ANKAR: variants seen among roughly 807,000 people sequenced by gnomAD.
ANKAR encodes ankyrin and armadillo repeat containing, also known as ankyrin and armadillo repeat-containing protein.
Under a neutral mutation model 146.2 loss-of-function variants are expected in ANKAR, and 136 were observed. That is an observed-to-expected ratio of 0.93 (90% confidence interval 0.81 to 1.07). ANKAR has a LOEUF of 1.07. Among genes scored for constraint, ANKAR ranks in the 50% least tolerant of loss-of-function variants. ANKAR has a pLI of 0.00. For missense variants in ANKAR, 1,567 were observed against 1,679.9 expected, an observed-to-expected ratio of 0.93 and a Z score of 1.18; for synonymous variants, 500 against 575.8, an observed-to-expected ratio of 0.87 and a Z score of 1.88.
chr2:189,729,481 A>G lies in ANKAR; in HGVS notation c.3193+660A>G, dbSNP rs967812164. ...CACATTTTTTTCTCTTTGCTTGCCA[A>G]AAGTTTCTTGCAGAAACTCATTCAC... is the stretch of plus-strand genomic sequence containing the variant. On this transcript the variant is annotated intron_variant, in intron 15 of 22. Transcript: ENST00000684021. 2.6e-5 allele frequency among the ~76,000 whole-genome samples: 4 copies of G among 152,174 alleles called. No individual in the cohort carries two copies. The East Asian group carries it at 5.8e-4, about 22-fold the overall frequency.
intron 2 of ANKAR, among the ~76,000 whole-genome samples, chr2:189,678,150 G>A (rs1299939034): frequency 6.6e-6 from 1 of 152,044 alleles, no homozygotes; most frequent in Non-Finnish European, 1.5e-5. Flanking sequence ...GGAGTAAGAT[G>A]GTATCTCAGT....
intron 8 of ANKAR, among the ~76,000 whole-genome samples, chr2:189,706,485 A>G (rs79673288): frequency 0.016 from 2,464 of 152,272 alleles, 66 homozygotes; most frequent in African/African-American, 0.056. Context: ...AAATCAGATA[A>G]TGGGTTTTCG....
chr2:189,693,325 A>C, intron 5 of ANKAR, 148 bp downstream of exon 5: 1 of 580,698 alleles, frequency 1.7e-6, no homozygotes, highest in Non-Finnish European at 3.1e-6. Context: ...TTATGGACTC[A>C]ACAAAATATT....
intron 18 of ANKAR, 125 bp downstream of exon 18, chr2:189,737,966 T>G: frequency 1.2e-6 from 1 of 862,530 alleles, no homozygotes; most frequent in Non-Finnish European, 1.7e-6. Context: ...ACTTTGCACA[T>G]AAGCCCCTTC....
At chr2:189,711,253 AT>A in intron 10 of ANKAR, 100 bp downstream of exon 10, 2 of 836,670 alleles carry the variant, frequency 2.4e-6, no homozygotes, top group Non-Finnish European at 3.5e-6. Context: ...TAAAGGAAAA[AT>A]TTTAGTTGAT....
In ANKAR at chr2:189,720,744, T is replaced by C; in HGVS notation, c.2592T>C (p.His864=). The C allele has an allele frequency of 6.6e-7, 1 of 1,517,670 alleles. No individual in the cohort carries two copies. Among genetic ancestry groups the C allele is most frequent in the Non-Finnish European group, 8.8e-7 (1 of 1,137,948 alleles). 94.0% of individuals were successfully genotyped at this position (1,517,670 alleles called of 1,614,324 possible). A position where few individuals can be genotyped will look rare whatever the true frequency, so the allele number is the denominator to read the frequency against. ...NENNQRAVRE[H]KGLPYLIRFL... ...ACAATCAAAGAGCTGTGAGAGAACA[T>C]AAAGGCCTCCCATATCTTATCAGAT... is the stretch of plus-strand genomic sequence containing the variant. Residue 864 remains histidine (H), a synonymous_variant, in exon 12 of 23, where the codon CAT becomes CAC. Coordinates refer to ENST00000684021, the MANE Select transcript of ANKAR (RefSeq NM_001378068.1).
chr2:189,683,634 G>A (rs1040316846), intron 2 of ANKAR, among the ~76,000 whole-genome samples: 1 of 152,228 alleles, frequency 6.6e-6, no homozygotes, highest in Admixed American at 6.5e-5. Flanking sequence ...CCCCTGGCAT[G>A]ATCAGAGAGC....
intron 7 of ANKAR, among the ~76,000 whole-genome samples, chr2:189,697,303 G>A (rs1326695926): frequency 2.0e-5 from 3 of 151,832 alleles, no homozygotes; most frequent in African/African-American, 7.3e-5. Context: ...AGAGGCTGAA[G>A]CAGGAAGATT....
chr2:189,753,011 CAT>C (rs1178644390), intron 18 of ANKAR: 1 of 1,573,246 alleles, frequency 6.4e-7, no homozygotes. Flanking sequence ...AAATAACTAT[CAT>C]ATATGGATAT....
chr2:189,697,033 C>T (rs1019560305), intron 7 of ANKAR, among the ~76,000 whole-genome samples: 1 of 151,676 alleles, frequency 6.6e-6, no homozygotes, highest in Non-Finnish European at 1.5e-5. Context: ...ATAAATTTAG[C>T]TAGAATAAAA....
chr2:189,729,857 T>C (rs2042251322), intron 15 of ANKAR, among the ~76,000 whole-genome samples: 1 of 152,094 alleles, frequency 6.6e-6, no homozygotes, highest in Non-Finnish European at 1.5e-5. Flanking sequence ...GGTTAACCCA[T>C]TTACATAAAC....
At chr2:189,754,423 A>G in intron 18 of ANKAR, 5 of 1,334,842 alleles carry the variant, frequency 3.7e-6, no homozygotes, top group Non-Finnish European at 5.1e-6. Flanking sequence ...ATAAATTGAA[A>G]ATTACTAACA....
At chr2:189,747,657 C>A (rs1305463063), downstream of ANKAR, among the ~76,000 whole-genome samples, 1 of 152,118 alleles carries the variant, frequency 6.6e-6, no homozygotes, top group Non-Finnish European at 1.5e-5. Flanking sequence ...GATACAAACA[C>A]CTGGCTTCAC....
At position 189,743,365 on chromosome 2, in the gene ANKAR, A is replaced by G; in HGVS notation, c.3901A>G (p.Asn1301Asp). The G allele has an allele frequency of 1.9e-6, 3 of 1,613,994 alleles. No homozygotes were observed. Among genetic ancestry groups the G allele is most frequent in the Non-Finnish European group, 2.5e-6 (3 of 1,179,934 alleles). The change falls in exon 21 of 23, where the codon AAT becomes GAT. Residue 1301 changes from asparagine to aspartate, a missense_variant. Asn to Asp is a conservative substitution (Grantham distance 23). Transcript: ENST00000684021. ...ILLKECRNKP[N>D]QFIRIKNNIS... ...ATTAAAAGAATGCAGGAATAAACCT[A>G]ATCAGTTCATTCGTATAAAAAATAA...
At chr2:189,762,753 C>A (rs967500537), downstream of ANKAR, 13 of 985,484 alleles carry the variant, frequency 1.3e-5, no homozygotes, top group Non-Finnish European at 1.4e-5. Context: ...CTGCCCTTAT[C>A]GCTGCAGGAG....
intron 18 of ANKAR, chr2:189,755,067 G>T: frequency 1.5e-6 from 2 of 1,348,330 alleles, no homozygotes; most frequent in Admixed American, 2.8e-5. Flanking sequence ...AGTTTACTAA[G>T]ATAAAATTCA....
At chr2:189,679,429 CTT>C (rs1005641071) in intron 2 of ANKAR, among the ~76,000 whole-genome samples, 1 of 152,162 alleles carries the variant, frequency 6.6e-6, no homozygotes, top group African/African-American at 2.4e-5. Flanking sequence ...TTGACTTCCT[CTT>C]TACCAAATTG....
intron 1 of ANKAR, among the ~76,000 whole-genome samples, 182 bp from the exon 2 acceptor site, chr2:189,676,270 TTTAA>T (rs1475414872): frequency 6.6e-6 from 1 of 152,232 alleles, no homozygotes; most frequent in Non-Finnish European, 1.5e-5. Flanking sequence ...GTTTTATAAT[TTTAA>T]TTATTTTAAT....
chr2:189,750,368 T>A (rs564473519), downstream of ANKAR, among the ~76,000 whole-genome samples: 1 of 152,038 alleles, frequency 6.6e-6, no homozygotes, highest in Non-Finnish European at 1.5e-5. Context: ...TGGTTTTTAA[T>A]AATTAAAAGA....
Sources: gnomAD v4.1 joint callset for allele counts (sites outside exome capture counted in the v4.1 genomes callset) on GRCh38, gnomAD v4.1.1 for gene constraint, MANE v1.5 for transcripts, NCBI Gene and HGNC (gene_info 2026-07-23, HGNC 2026-07-21) for gene names.